Variants in THEM4 observed in about 807,000 individuals in gnomAD.
THEM4 encodes thioesterase superfamily member 4.
In THEM4, 22 loss-of-function variants were observed where a neutral mutation model predicts 25.0. That is an observed-to-expected ratio of 0.88 (90% confidence interval 0.63 to 1.26). The LOEUF (loss-of-function observed/expected upper bound fraction) is 1.26. Among genes scored for constraint, THEM4 ranks in the 50% most tolerant of loss-of-function variants. The probability of loss-of-function intolerance (pLI) is 0.00; values close to 1 mark genes in which losing one functional copy is unlikely to be tolerated. For missense variants in THEM4, 286 were observed against 300.3 expected, an observed-to-expected ratio of 0.95 and a Z score of 0.35; for synonymous variants, 113 against 105.6, an observed-to-expected ratio of 1.07 and a Z score of -0.43.
intron 1 of THEM4, 57 bp downstream of exon 1, chr1:151,909,303 C>T (rs1174277287): frequency 2.9e-6 from 4 of 1,395,070 alleles, no homozygotes; most frequent in Admixed American, 2.2e-5. Flanking sequence ...GCTCTGTTAC[C>T]GCAGGCGTGT....
At position 151,909,364 on chromosome 1, in the gene THEM4, T is replaced by A; in HGVS notation, c.95A>T (p.Glu32Val). Residue 32 changes from glutamate to valine, a missense_variant, in exon 1 of 6, where the codon GAG becomes GTG. Transcript: ENST00000368814. ...CCCGAGGGTGCCCAGACTCACCAGC[T>A]CGGGTCGCGGCTCGCTTCCCGGCAG... is the stretch of plus-strand genomic sequence containing the variant. ...RRLPGSEPRP[E>V]LRSFSSEEVI... The A allele has an allele frequency of 2.0e-6, 3 of 1,511,800 alleles. No individual in the cohort carries two copies. The East Asian group carries it at 8.1e-5, about 41-fold the overall frequency. 93.6% of individuals were successfully genotyped at this position (1,511,800 alleles called of 1,614,324 possible).
At position 151,871,576 on chromosome 1, in the gene THEM4, G is replaced by A. The variant is rs1572069220; in HGVS notation, c.*3312C>T. On this transcript the variant is annotated 3_prime_UTR_variant, in exon 6 of 6. Coordinates refer to ENST00000368814, the MANE Select transcript of THEM4 (RefSeq NM_053055.5). The stretch of plus-strand genomic sequence containing the variant: ...TAGGAATAGTCTGCTGCAAAGCAGG[G>A]AAGCCATTTTTCCCTCACTGGCTAT... Among the ~76,000 whole-genome samples the A allele has an allele frequency of 6.6e-6, 1 of 152,220 alleles. No individual in the cohort carries two copies. Among genetic ancestry groups the A allele is most frequent in the Admixed American group, 6.5e-5 (1 of 15,284 alleles).
chr1:151,890,327 G>A (rs771731839), intron 2 of THEM4: 17 of 326,272 alleles, frequency 5.2e-5, no homozygotes, highest in Non-Finnish European at 9.8e-5. Context: ...GCAAGTTGGG[G>A]GAACTGGATT....
At chr1:151,894,154 T>A (rs1654163147) in intron 2 of THEM4, among the ~76,000 whole-genome samples, 1 of 152,098 alleles carries the variant, frequency 6.6e-6, no homozygotes, top group Non-Finnish European at 1.5e-5. Flanking sequence ...TGAGCCACGG[T>A]GCCTGGCCCA....
In THEM4 at chr1:151,909,444, G is replaced by T. The variant is rs1163146884; in HGVS notation, c.15C>A (p.Cys5Ter). The change falls in exon 1 of 6, where the codon TGC becomes TGA. Residue 5 changes from cysteine to a stop codon, truncating the protein, a stop_gained. Coordinates refer to ENST00000368814, the MANE Select transcript of THEM4 (RefSeq NM_053055.5). LOFTEE classifies it high-confidence loss of function. ...CCCCCAGCGTGCGGAGGCGCGCGGCGCAGCTCCTCAGCATGGCTCCGGGCC... is the reference window on the plus strand; with the variant it reads ...CCCCCAGCGTGCGGAGGCGCGCGGCTCAGCTCCTCAGCATGGCTCCGGGCC... MLRS[C>*]AARLRTLGAL... is the part of the protein sequence containing the mutation. 1 of 1,448,936 alleles carries T rather than the reference G, an allele frequency of 6.9e-7. No homozygotes were observed. Among genetic ancestry groups the T allele is most frequent in the Admixed American group, 2.6e-5 (1 of 37,768 alleles). The allele number at this position is 1,448,936 out of a possible 1,614,324, so 89.8% of individuals were successfully genotyped here.
intron 2 of THEM4, chr1:151,891,457 T>C (rs1009467041): frequency 1.3e-5 from 2 of 152,224 alleles, no homozygotes; most frequent in East Asian, 3.8e-4. Flanking sequence ...TGGCAGATGG[T>C]TGGATTCATC....
At position 151,909,369 on chromosome 1, in the gene THEM4, T is replaced by C; in HGVS notation, c.90A>G (p.Arg30=). 2.6e-6 allele frequency: 4 copies of C among 1,509,674 alleles called. No individual in the cohort carries two copies. The highest frequency in any genetic ancestry group is 1.2e-5 in the South Asian group (1 of 82,158). 93.5% of individuals were successfully genotyped at this position (1,509,674 alleles called of 1,614,324 possible). A position where few individuals can be genotyped will look rare whatever the true frequency, so the allele number is the denominator to read the frequency against. The change falls in exon 1 of 6, where the codon CGA becomes CGG. Residue 30 remains arginine, a synonymous_variant. Coordinates refer to ENST00000368814, the MANE Select transcript of THEM4 (RefSeq NM_053055.5). ...VGRRLPGSEP[R]PELRSFSSEE... ...GGGTGCCCAGACTCACCAGCTCGGG[T>C]CGCGGCTCGCTTCCCGGCAGGCGCC...
At chr1:151,906,768 G>A (rs1273891377) in intron 1 of THEM4, among the ~76,000 whole-genome samples, 1 of 152,074 alleles carries the variant, frequency 6.6e-6, no homozygotes, top group Non-Finnish European at 1.5e-5. Context: ...AGCTACTCTG[G>A]TGGGGACTGG....
intron 2 of THEM4, 100 bp from the exon 3 acceptor site, chr1:151,889,473 A>G: frequency 8.1e-7 from 1 of 1,232,842 alleles, no homozygotes; most frequent in South Asian, 1.6e-5. Context: ...ATGTCAATAG[A>G]TGATTGATTC....
intron 5 of THEM4, 99 bp downstream of exon 5, chr1:151,876,902 T>C: frequency 1.4e-6 from 2 of 1,438,362 alleles, no homozygotes; most frequent in Non-Finnish European, 9.3e-7. Context: ...AACACCCCCC[T>C]GACCCCCACA....
intron 1 of THEM4, among the ~76,000 whole-genome samples, chr1:151,908,318 TTC>T (rs1654518640): frequency 6.6e-6 from 1 of 152,230 alleles, no homozygotes; most frequent in Admixed American, 6.5e-5. Context: ...CACAGCAAAC[TTC>T]GCTGCAGGCC....
At chr1:151,906,255 A>T (rs979546813) in intron 1 of THEM4, among the ~76,000 whole-genome samples, 1 of 152,190 alleles carries the variant, frequency 6.6e-6, no homozygotes, top group Non-Finnish European at 1.5e-5. Flanking sequence ...TGCCGGCCCC[A>T]CGCAATGAGG....
intron 2 of THEM4, chr1:151,890,662 A>G (rs1170740860): frequency 2.0e-5 from 3 of 153,828 alleles, no homozygotes; most frequent in Non-Finnish European, 2.9e-5. Flanking sequence ...ATGTGCACAT[A>G]CTATATACAC....
At chr1:151,896,342 T>C (rs1654224071) in intron 1 of THEM4, among the ~76,000 whole-genome samples, 1 of 152,104 alleles carries the variant, frequency 6.6e-6, no homozygotes, top group Non-Finnish European at 1.5e-5. Context: ...GATGCCACCA[T>C]CATGCTTCCT....
At position 151,877,970 on chromosome 1, in the gene THEM4, G is replaced by C. The variant is rs79799673; in HGVS notation, c.558-845C>G. On this transcript the variant is annotated intron_variant, in intron 4 of 5. Coordinates refer to ENST00000368814, the MANE Select transcript of THEM4 (RefSeq NM_053055.5). ...TGGAACTACCCCAGGTAGAAAGGAA[G>C]TTATCACTGTGATGATCTCTCTGCC... Among the ~76,000 whole-genome samples, 402 of 152,224 alleles carry C rather than the reference G, an allele frequency of 2.6e-3. 2 individuals are homozygous for C. The highest frequency in any genetic ancestry group is 9.4e-3 in the African/African-American group (392 of 41,538).
Position 151,873,758 on chromosome 1 carries a change from T to A in THEM4, c.*1130A>T, listed in dbSNP as rs552519717. The A allele has an allele frequency of 7.2e-5, 11 of 152,292 alleles. No individual in the cohort carries two copies. The highest frequency in any genetic ancestry group is 8.8e-5 in the Non-Finnish European group (6 of 68,066). The allele number at this position is 152,292 out of a possible 1,614,324, so 9.4% of individuals were successfully genotyped here. ...ACACTGTGGAGACACACAGAGGGAA[T>A]GCCATGTGAAGATGGAGGACTGGAA... On this transcript the variant is annotated 3_prime_UTR_variant, in exon 6 of 6. Coordinates refer to ENST00000368814, the MANE Select transcript of THEM4 (RefSeq NM_053055.5).
intron 2 of THEM4, chr1:151,889,959 T>G (rs1463624526): frequency 6.1e-6 from 1 of 162,896 alleles, no homozygotes; most frequent in Non-Finnish European, 1.3e-5. Context: ...CAGGCTGTAG[T>G]GCAATGGCGT....
chr1:151,873,503 G>A lies in THEM4; in HGVS notation c.*1385C>T, dbSNP rs373722972. The stretch of plus-strand genomic sequence containing the variant: ...AGGGGCTGGCCCCCTTCAACTCTCC[G>A]TTCATTTTTTAGTTTTGTTGAGGCT... On this transcript the variant is annotated 3_prime_UTR_variant, in exon 6 of 6. Coordinates refer to ENST00000368814, the MANE Select transcript of THEM4 (RefSeq NM_053055.5). The A allele has an allele frequency of 3.9e-5, 6 of 152,172 alleles. No homozygotes were observed. The highest frequency in any genetic ancestry group is 2.1e-4 in the South Asian group (1 of 4,828). The allele number at this position is 152,172 out of a possible 1,614,324, so 9.4% of individuals were successfully genotyped here.
At position 151,889,250 on chromosome 1, in the gene THEM4, A is replaced by T; in HGVS notation, c.410T>A (p.Leu137Ter). Residue 137 changes from leucine to a stop codon, truncating the protein, a stop_gained, in exon 3 of 6, where the codon TTA (leucine) becomes TAA (stop). Transcript: ENST00000368814. LOFTEE classifies it high-confidence loss of function. ...YNDIEKRMVCLFQGGPYLEGP... is the reference protein window; with the variant it reads ...YNDIEKRMVC ...TTCCAGGTAAGGGCCTCCTTGAAATAAGCAAACCATCCTTTTCTCAATGTC... is the reference window on the plus strand; with the variant it reads ...TTCCAGGTAAGGGCCTCCTTGAAATTAGCAAACCATCCTTTTCTCAATGTC... 6.2e-7 allele frequency: 1 copy of T among 1,613,496 alleles called. No individual in the cohort carries two copies. The highest frequency in any genetic ancestry group is 8.5e-7 in the Non-Finnish European group (1 of 1,179,886).
Sources: allele counts gnomAD v4.1 joint callset (sites outside exome capture counted in the v4.1 genomes callset), GRCh38; gene constraint gnomAD v4.1.1; transcripts MANE v1.5; gene names NCBI Gene and HGNC (gene_info 2026-07-23, HGNC 2026-07-21).